KHDRBS2: variants seen among roughly 807,000 people sequenced by gnomAD.
KHDRBS2 encodes the protein KH domain-containing, RNA-binding, signal transduction-associated protein 2.
A neutral mutation model predicts 44.3 loss-of-function variants in KHDRBS2; 26 were observed. The observed-to-expected ratio is 0.59, with a 90% CI of 0.43 to 0.81. KHDRBS2 has a LOEUF of 0.81. Among genes scored for constraint, KHDRBS2 ranks in the 40% least tolerant of loss-of-function variants. KHDRBS2 has a pLI of 0.00. For synonymous variants in KHDRBS2, 194 were observed against 151.1 expected (o/e 1.28, Z -2.08); for missense variants, 476 against 433.1 (o/e 1.10, Z -0.88).
chr6:62,209,932 C>T (rs1322782467), intron 1 of KHDRBS2, among the ~76,000 whole-genome samples: 1 of 152,120 alleles, frequency 6.6e-6, no homozygotes, highest in African/African-American at 2.4e-5. Context: ...ATTGGCTTCC[C>T]TACTTTTGTA....
At chr6:61,888,502 C>T (rs1028020045) in intron 6 of KHDRBS2, among the ~76,000 whole-genome samples, 1 of 150,910 alleles carries the variant, frequency 6.6e-6, no homozygotes, top group Non-Finnish European at 1.5e-5. Flanking sequence ...AAAGGAAACA[C>T]ATATGCAGAG....
the KHDRBS2 span, among the ~76,000 whole-genome samples, chr6:61,554,102 T>C: frequency 6.6e-6 from 1 of 152,170 alleles, no homozygotes; most frequent in African/African-American, 2.4e-5. Context: ...ATTGGGGTGT[T>C]AAAGTCTTCC....
chr6:62,078,670 C>G (rs1046572218), intron 2 of KHDRBS2, among the ~76,000 whole-genome samples: 2 of 151,850 alleles, frequency 1.3e-5, no homozygotes, highest in African/African-American at 4.8e-5. Flanking sequence ...TTAGTAAATT[C>G]ATGAAAGTGT....
At chr6:62,268,699 A>T (rs1335984479) in intron 1 of KHDRBS2, among the ~76,000 whole-genome samples, 1 of 152,024 alleles carries the variant, frequency 6.6e-6, no homozygotes, top group Non-Finnish European at 1.5e-5. Context: ...ATGTTTCCTC[A>T]ATTTTTTTTC....
At chr6:61,968,960 T>C (rs1290185587) in intron 4 of KHDRBS2, among the ~76,000 whole-genome samples, 2 of 152,024 alleles carry the variant, frequency 1.3e-5, no homozygotes, top group East Asian at 3.9e-4. Context: ...AAAAAAATAA[T>C]GAATTTCAAG....
At chr6:61,978,291 G>C (rs1773131703) in intron 3 of KHDRBS2, 79 bp from the exon 4 acceptor site, 1 of 1,147,684 alleles carries the variant, frequency 8.7e-7, no homozygotes, top group East Asian at 2.8e-5. Context: ...TATGACAAAG[G>C]TGTATAATTT....
At chr6:61,682,318 C>G (rs1766390478) in intron 8 of KHDRBS2, among the ~76,000 whole-genome samples, 1 of 151,714 alleles carries the variant, frequency 6.6e-6, no homozygotes. Flanking sequence ...AATATTCTCA[C>G]CAGGGCATTA....
the KHDRBS2 span, among the ~76,000 whole-genome samples, chr6:61,609,632 G>T: frequency 6.6e-6 from 1 of 152,058 alleles, no homozygotes; most frequent in African/African-American, 2.4e-5. Context: ...GCTAGTCACT[G>T]GTTTTTAGGT....
intron 2 of KHDRBS2, among the ~76,000 whole-genome samples, chr6:62,149,891 T>G (rs1027872343): frequency 6.6e-6 from 1 of 152,190 alleles, no homozygotes; most frequent in Non-Finnish European, 1.5e-5. Flanking sequence ...ACATTTAAAA[T>G]GTATTAGCAG....
intron 2 of KHDRBS2, among the ~76,000 whole-genome samples, chr6:62,099,913 T>A (rs991568087): frequency 2.6e-5 from 4 of 152,230 alleles, no homozygotes; most frequent in Non-Finnish European, 5.9e-5. Flanking sequence ...GATCAAGGAA[T>A]AATTTCAATT....
intron 3 of KHDRBS2, among the ~76,000 whole-genome samples, chr6:62,044,460 G>C (rs1382042500): frequency 6.6e-6 from 1 of 151,744 alleles, no homozygotes; most frequent in African/African-American, 2.4e-5. Context: ...TAGTACCACT[G>C]CAGTCCAGCC....
At chr6:61,741,286 T>C (rs940646569) in intron 6 of KHDRBS2, among the ~76,000 whole-genome samples, 1 of 151,902 alleles carries the variant, frequency 6.6e-6, no homozygotes, top group African/African-American at 2.4e-5. Flanking sequence ...AAATTACCTC[T>C]AGATAGAGCT....
intron 6 of KHDRBS2, among the ~76,000 whole-genome samples, chr6:61,760,787 G>A (rs192735338): frequency 2.0e-5 from 3 of 152,244 alleles, no homozygotes; most frequent in East Asian, 3.9e-4. Flanking sequence ...CAATAATTTG[G>A]CAAAGCACCT....
chr6:61,907,956 T>G (rs1412677386), intron 4 of KHDRBS2, among the ~76,000 whole-genome samples: 1 of 152,194 alleles, frequency 6.6e-6, no homozygotes, highest in Non-Finnish European at 1.5e-5. Context: ...AACATTATCA[T>G]CAGAAATATA....
chr6:62,050,314 T>G (rs1788706778), intron 2 of KHDRBS2, among the ~76,000 whole-genome samples: 1 of 151,830 alleles, frequency 6.6e-6, no homozygotes, highest in African/African-American at 2.4e-5. Flanking sequence ...GGGATATCAT[T>G]AGGAGAAATA....
intron 6 of KHDRBS2, among the ~76,000 whole-genome samples, chr6:61,877,338 A>G (rs185071736): frequency 1.3e-5 from 2 of 152,130 alleles, no homozygotes; most frequent in Admixed American, 1.3e-4. Context: ...CACTTCCTAT[A>G]GAGTGTCTTT....
chr6:61,645,746 A>G, the KHDRBS2 span, among the ~76,000 whole-genome samples: 1 of 152,202 alleles, frequency 6.6e-6, no homozygotes, highest in East Asian at 1.9e-4. Context: ...AAAGGCTTAG[A>G]GACATTTGTC....
At chr6:62,141,261 G>C (rs1432167754) in intron 2 of KHDRBS2, among the ~76,000 whole-genome samples, 3 of 152,168 alleles carry the variant, frequency 2.0e-5, no homozygotes, top group Non-Finnish European at 4.4e-5. Flanking sequence ...CTAGATGTAT[G>C]CTTTCTTCGT....
At chr6:62,240,083 C>A (rs2150166353) in intron 1 of KHDRBS2, among the ~76,000 whole-genome samples, 1 of 152,238 alleles carries the variant, frequency 6.6e-6, no homozygotes, top group African/African-American at 2.4e-5. Context: ...ATATCACACA[C>A]CAGTTGCTCC....
Sources: allele counts gnomAD v4.1 joint callset (sites outside exome capture counted in the v4.1 genomes callset), GRCh38; gene constraint gnomAD v4.1.1; transcripts MANE v1.5; gene names NCBI Gene and HGNC (gene_info 2026-07-23, HGNC 2026-07-21).